TAF1B: variants seen among roughly 807,000 people sequenced by gnomAD.
The protein encoded by TAF1B is TATA box-binding protein-associated factor RNA polymerase I subunit B.
In TAF1B, 61 loss-of-function variants were observed where a neutral mutation model predicts 83.9. The ratio of observed to expected loss-of-function variants is 0.73; its 90% confidence interval spans 0.59 to 0.90. The LOEUF (loss-of-function observed/expected upper bound fraction) is 0.90. Among genes scored for constraint, TAF1B ranks in the 40% least tolerant of loss-of-function variants. The pLI, the probability that TAF1B is intolerant of heterozygous loss-of-function variation, is 0.00. For missense variants in TAF1B, 625 were observed against 677.0 expected, an observed-to-expected ratio of 0.92 and a Z score of 0.85; for synonymous variants, 221 against 224.6, an observed-to-expected ratio of 0.98 and a Z score of 0.14.
intron 9 of TAF1B, among the ~76,000 whole-genome samples, chr2:9,905,348 C>T (rs1028961362): frequency 3.9e-5 from 6 of 152,124 alleles, no homozygotes; most frequent in East Asian, 1.9e-4. Flanking sequence ...CATCCCAAAA[C>T]GGCACTTTTT....
In TAF1B at chr2:9,913,071, C is replaced by T. The variant is rs562676382; in HGVS notation, c.1181-88C>T. The T allele has an allele frequency of 2.4e-4, 260 of 1,072,678 alleles. 3 individuals carry two copies. In the Middle Eastern group the frequency reaches 7.1e-3, roughly 29 times the overall value. 66.4% of individuals were successfully genotyped at this position (1,072,678 alleles called of 1,614,324 possible). On this transcript the variant is annotated intron_variant, in intron 11 of 14. Transcript: ENST00000263663. ...ACACACTCACACCAACTGCCCAGTG[C>T]AGTCAATTAATGAAAACTCAGATGA... is the stretch of plus-strand genomic sequence containing the variant.
intron 8 of TAF1B, among the ~76,000 whole-genome samples, chr2:9,888,719 T>G (rs568460601): frequency 6.6e-6 from 1 of 151,790 alleles, no homozygotes; most frequent in African/African-American, 2.4e-5. Context: ...AGATTTTCTC[T>G]TTATCACTGG....
intron 9 of TAF1B, 81 bp downstream of exon 9, chr2:9,905,087 A>C: frequency 3.1e-6 from 4 of 1,306,214 alleles, no homozygotes; most frequent in Non-Finnish European, 2.1e-6. Flanking sequence ...TTCAAATCAC[A>C]GACTATTAGA....
At chr2:9,883,123 T>G (rs553212710) in intron 8 of TAF1B, among the ~76,000 whole-genome samples, 2 of 152,314 alleles carry the variant, frequency 1.3e-5, no homozygotes, top group South Asian at 4.1e-4. Flanking sequence ...AAATAAAATA[T>G]GTGTTTTGTT....
In TAF1B at chr2:9,925,205, G is replaced by A. The variant is rs112740392; in HGVS notation, c.1565+5385G>A. Among the ~76,000 whole-genome samples the A allele has an allele frequency of 3.7e-3, 568 of 152,294 alleles. 5 individuals are homozygous for A. Among genetic ancestry groups the A allele is most frequent in the African/African-American group, 0.013 (530 of 41,556 alleles). ...ACCTGTAATCCCAGCACTTTGGGAG[G>A]CCGAGGTGGGCGGATTACGAGGTCA... is the stretch of plus-strand genomic sequence containing the variant. On this transcript the variant is annotated intron_variant, in intron 14 of 14. Coordinates refer to ENST00000263663, the MANE Select transcript of TAF1B (RefSeq NM_005680.3).
Position 9,897,795 on chromosome 2 carries a change from T to G in TAF1B, c.808-7064T>G, listed in dbSNP as rs192139076. ...ACCTTCTTACTCTGTAGGCCACATG[T>G]AATGCTTGGGATTTTTTGTACAATC... is the stretch of plus-strand genomic sequence containing the variant. On this transcript the variant is annotated intron_variant, in intron 8 of 14. Coordinates refer to ENST00000263663, the MANE Select transcript of TAF1B (RefSeq NM_005680.3). Among the ~76,000 whole-genome samples the G allele has an allele frequency of 2.2e-3, 331 of 152,326 alleles. 1 individual carries two copies. The highest frequency in any genetic ancestry group is 4.1e-3 in the Non-Finnish European group (276 of 68,034).
At chr2:9,909,146 G>A (rs529906912) in intron 9 of TAF1B, among the ~76,000 whole-genome samples, 3 of 152,294 alleles carry the variant, frequency 2.0e-5, no homozygotes, top group African/African-American at 7.2e-5. Flanking sequence ...AATTAATTTT[G>A]TGTTTTATTC....
chr2:9,913,174 A>C lies in TAF1B; in HGVS notation c.1196A>C (p.Asp399Ala). The change falls in exon 12 of 15, where the codon GAT becomes GCT. Residue 399 changes from aspartate to alanine, a missense_variant. Coordinates refer to ENST00000263663, the MANE Select transcript of TAF1B (RefSeq NM_005680.3). ...EKNKKDKPWFDFRKWYQIMKK... is the reference protein window; with the variant it reads ...EKNKKDKPWFAFRKWYQIMKK... ...TTTCTTTCAGATAAGCCATGGTTTG[A>C]TTTCAGAAAGTGGTACCAAATTATG... 6.2e-7 allele frequency: 1 copy of C among 1,607,592 alleles called. No individual in the cohort carries two copies. Among genetic ancestry groups the C allele is most frequent in the Non-Finnish European group, 8.5e-7 (1 of 1,178,026 alleles).
intron 11 of TAF1B, 29 bp downstream of exon 11, chr2:9,911,586 A>G: frequency 2.1e-6 from 3 of 1,457,888 alleles, no homozygotes; most frequent in Non-Finnish European, 2.8e-6. Context: ...ATTCAAATTC[A>G]AAGTGGTTAT....
intron 5 of TAF1B, among the ~76,000 whole-genome samples, 190 bp downstream of exon 5, chr2:9,854,611 A>C (rs1181531601): frequency 6.6e-6 from 1 of 152,200 alleles, no homozygotes; most frequent in East Asian, 1.9e-4. Flanking sequence ...TTTTTTCTTC[A>C]CTTTTTTCCT....
chr2:9,862,701 C>T (rs1409342998), intron 5 of TAF1B, among the ~76,000 whole-genome samples: 5 of 152,170 alleles, frequency 3.3e-5, no homozygotes, highest in East Asian at 1.9e-4. Flanking sequence ...AGAGAAAGGT[C>T]GGGTTACCCA....
At chr2:9,864,022 A>T (rs1388355291) in intron 5 of TAF1B, among the ~76,000 whole-genome samples, 1 of 152,172 alleles carries the variant, frequency 6.6e-6, no homozygotes, top group Non-Finnish European at 1.5e-5. Context: ...ACACCCTAAC[A>T]TCACAATTAA....
chr2:9,924,577 G>A (rs1364453213), intron 14 of TAF1B, among the ~76,000 whole-genome samples: 1 of 152,210 alleles, frequency 6.6e-6, no homozygotes, highest in Non-Finnish European at 1.5e-5. Context: ...TGCCTTCGTG[G>A]TGGGTTTTAT....
chr2:9,924,754 C>A (rs1269847461), intron 14 of TAF1B, among the ~76,000 whole-genome samples: 1 of 152,160 alleles, frequency 6.6e-6, no homozygotes, highest in Non-Finnish European at 1.5e-5. Context: ...TTTTGTTAGG[C>A]AGAAGGACTC....
chr2:9,843,642 C>G, intron 1 of TAF1B, 83 bp downstream of exon 1: 1 of 1,372,006 alleles, frequency 7.3e-7, no homozygotes, highest in Non-Finnish European at 9.6e-7. Context: ...GAGGACGCCG[C>G]GGGTTGGGGC....
intron 11 of TAF1B, among the ~76,000 whole-genome samples, chr2:9,912,611 T>C (rs1297447284): frequency 6.6e-6 from 1 of 152,238 alleles, no homozygotes; most frequent in Non-Finnish European, 1.5e-5. Flanking sequence ...CGCTTTGACC[T>C]GTCTCCCTGT....
At chr2:9,886,559 C>T (rs1036903235) in intron 8 of TAF1B, among the ~76,000 whole-genome samples, 54 of 152,242 alleles carry the variant, frequency 3.5e-4, no homozygotes, top group Middle Eastern at 3.4e-3. Flanking sequence ...TTTAAATGTA[C>T]TCACATAGAC....
chr2:9,916,973 A>G (rs1387409309), intron 12 of TAF1B, among the ~76,000 whole-genome samples: 3 of 151,396 alleles, frequency 2.0e-5, no homozygotes, highest in Non-Finnish European at 4.4e-5. Context: ...CAGCCTCCCA[A>G]GTAGCTGAGA....
chr2:9,895,523 T>C (rs1664991378), intron 8 of TAF1B, among the ~76,000 whole-genome samples: 1 of 152,178 alleles, frequency 6.6e-6, no homozygotes, highest in Non-Finnish European at 1.5e-5. Flanking sequence ...AAAAGTATTT[T>C]TTCTACTACA....
Sources: gnomAD v4.1 joint callset for allele counts (sites outside exome capture counted in the v4.1 genomes callset) on GRCh38, gnomAD v4.1.1 for gene constraint, MANE v1.5 for transcripts, NCBI Gene and HGNC (gene_info 2026-07-23, HGNC 2026-07-21) for gene names.